Variants in ANKS1A observed in about 807,000 individuals in gnomAD.
ANKS1A encodes ankyrin repeat and SAM domain-containing protein 1A.
Under a neutral mutation model 120.3 loss-of-function variants are expected in ANKS1A, and 55 were observed. The ratio of observed to expected loss-of-function variants is 0.46; its 90% CI spans 0.37 to 0.57. The LOEUF is 0.57. Among genes scored for constraint, ANKS1A ranks in the 20% least tolerant of loss-of-function variants. The pLI is 0.00. For missense variants in ANKS1A, 1,123 were observed against 1,480.3 expected, an observed-to-expected ratio of 0.76 and a Z score of 3.96; for synonymous variants, 590 against 604.7, an observed-to-expected ratio of 0.98 and a Z score of 0.36.
chr6:35,036,596 A>G (rs995455386), intron 11 of ANKS1A, among the ~76,000 whole-genome samples: 4 of 152,186 alleles, frequency 2.6e-5, no homozygotes, highest in African/African-American at 9.7e-5. Flanking sequence ...AGTTATGTTA[A>G]CTTTTTTTTG....
chr6:34,988,387 GA>G, intron 8 of ANKS1A, among the ~76,000 whole-genome samples: 1 of 152,296 alleles, frequency 6.6e-6, no homozygotes, highest in East Asian at 1.9e-4. Flanking sequence ...ACAAGGTCAG[GA>G]GATCCAGACC....
At chr6:34,981,129 G>T (rs1771883107) in intron 3 of ANKS1A, among the ~76,000 whole-genome samples, 1 of 152,096 alleles carries the variant, frequency 6.6e-6, no homozygotes, top group South Asian at 2.1e-4. Context: ...CCTGGAAATG[G>T]CTTTTGGCTG....
chr6:34,960,584 A>G (rs1055597579), intron 1 of ANKS1A, among the ~76,000 whole-genome samples: 1 of 152,138 alleles, frequency 6.6e-6, no homozygotes, highest in Non-Finnish European at 1.5e-5. Context: ...ACATGCAATC[A>G]GTTTTTAAAG....
intron 11 of ANKS1A, among the ~76,000 whole-genome samples, chr6:35,051,791 G>T (rs908175152): frequency 6.6e-6 from 1 of 152,208 alleles, no homozygotes; most frequent in African/African-American, 2.4e-5. Flanking sequence ...TTTGAATCAT[G>T]TGAATGTATC....
At chr6:35,046,822 T>C (rs1775743440) in intron 11 of ANKS1A, among the ~76,000 whole-genome samples, 1 of 152,190 alleles carries the variant, frequency 6.6e-6, no homozygotes, top group Non-Finnish European at 1.5e-5. Flanking sequence ...CCATGAGTTT[T>C]GATAAATACG....
chr6:34,954,655 A>AG lies in ANKS1A; in HGVS notation c.198-12584_198-12583insG, dbSNP rs1770256526. 2.0e-5 allele frequency among the ~76,000 whole-genome samples: 3 copies of AG among 152,210 alleles called. No individual in the cohort carries two copies. In the South Asian group the frequency reaches 6.2e-4, roughly 32 times the overall value. On this transcript the variant is annotated intron_variant, in intron 1 of 23. Transcript: ENST00000360359. ...TTTTTCCAAGTCACTGCTTTGCAGA[A>AG]CATGCTTAAACACAAAACCACAAGG...
At chr6:35,038,120 C>T in intron 11 of ANKS1A, 2 of 448,950 alleles carry the variant, frequency 4.5e-6, no homozygotes, top group East Asian at 1.4e-4. Context: ...AAATTTCTTG[C>T]CAGCCTGTGC....
chr6:34,923,457 A>G (rs1320781226), intron 1 of ANKS1A, among the ~76,000 whole-genome samples: 1 of 152,208 alleles, frequency 6.6e-6, no homozygotes, highest in Non-Finnish European at 1.5e-5. Flanking sequence ...GATTTCTGGA[A>G]TAATGTTAGT....
chr6:34,906,707 AG>A (rs1456025181), intron 1 of ANKS1A, among the ~76,000 whole-genome samples: 4 of 152,242 alleles, frequency 2.6e-5, no homozygotes, highest in Admixed American at 6.5e-5. Context: ...TGAAAGCTGA[AG>A]GAGAAACAAT....
intron 1 of ANKS1A, among the ~76,000 whole-genome samples, chr6:34,942,714 G>A (rs1207093895): frequency 6.6e-6 from 1 of 151,070 alleles, no homozygotes; most frequent in South Asian, 2.1e-4. Flanking sequence ...GTTTGGGATT[G>A]TGCATTGTAC....
chr6:34,902,964 C>T (rs1019433271), intron 1 of ANKS1A, among the ~76,000 whole-genome samples: 2 of 151,984 alleles, frequency 1.3e-5, no homozygotes, highest in Admixed American at 1.3e-4. Flanking sequence ...AATAGCAATC[C>T]AGGTACCCTA....
chr6:35,079,516 G>C lies in ANKS1A; in HGVS notation c.2284G>C (p.Val762Leu). The C allele has an allele frequency of 6.2e-7, 1 of 1,613,704 alleles. No individual in the cohort carries two copies. The highest frequency in any genetic ancestry group is 1.1e-5 in the South Asian group (1 of 91,076). Reference sequence around the variant, plus strand: ...TTTCACCTCCCTCCTTGCCCTGTAGGTGAAGGCTCTGGGTTATGACGGGAA... The same window carrying C: ...TTTCACCTCCCTCCTTGCCCTGTAGCTGAAGGCTCTGGGTTATGACGGGAA... ...LLQAARSLPK[V>L]KALGYDGNSP... Residue 762 changes from valine to leucine, a missense_variant and splice_region_variant, in exon 15 of 24, where the codon GTG becomes CTG. Physicochemically the swap from Val to Leu is conservative, Grantham distance 32. Around this residue, in one of 3 missense-constraint regions of ANKS1A, gnomAD observed 904 missense variants for 1,130.4 expected, o/e 0.80. Coordinates refer to ENST00000360359, the MANE Select transcript of ANKS1A (RefSeq NM_015245.3).
At chr6:35,073,839 G>C (rs1178923523) in intron 13 of ANKS1A, among the ~76,000 whole-genome samples, 2 of 152,174 alleles carry the variant, frequency 1.3e-5, no homozygotes, top group Non-Finnish European at 2.9e-5. Context: ...AGAGGGTGTG[G>C]TAACTTCCAG....
chr6:34,913,376 G>A (rs1219750347), intron 1 of ANKS1A, among the ~76,000 whole-genome samples: 1 of 152,182 alleles, frequency 6.6e-6, no homozygotes, highest in African/African-American at 2.4e-5. Context: ...GCCTAGGTTG[G>A]AGTACAGTGG....
chr6:34,991,136 A>G (rs1418647805), intron 9 of ANKS1A, among the ~76,000 whole-genome samples: 1 of 152,152 alleles, frequency 6.6e-6, no homozygotes, highest in Non-Finnish European at 1.5e-5. Context: ...ATCTGCCCCA[A>G]TATTTGTATT....
At chr6:34,936,544 C>T (rs1262947435) in intron 1 of ANKS1A, among the ~76,000 whole-genome samples, 1 of 152,200 alleles carries the variant, frequency 6.6e-6, no homozygotes, top group Non-Finnish European at 1.5e-5. Flanking sequence ...AGTTCATTTG[C>T]TTCCATTGCC....
At chr6:35,074,203 C>T (rs950985378) in intron 13 of ANKS1A, among the ~76,000 whole-genome samples, 2 of 152,250 alleles carry the variant, frequency 1.3e-5, no homozygotes, top group African/African-American at 4.8e-5. Context: ...TTTAGAACAT[C>T]ACTGCGGTGC....
intron 10 of ANKS1A, among the ~76,000 whole-genome samples, chr6:35,012,088 A>G (rs1333144596): frequency 6.6e-6 from 1 of 152,190 alleles, no homozygotes; most frequent in African/African-American, 2.4e-5. Flanking sequence ...TCTTAACATC[A>G]TAGAACTGGT....
Position 35,086,195 on chromosome 6 carries a change from C to T in ANKS1A, c.3303+259C>T. ...CAAGGGCAAGGCCGTCAAGGGGCTG[C>T]AGAGAGCGGCCTGCAGGCAGCCCCC... On this transcript the variant is annotated intron_variant, in intron 22 of 23. Coordinates refer to ENST00000360359, the MANE Select transcript of ANKS1A (RefSeq NM_015245.3). The surrounding 1 kb of genome is among the most constrained non-coding windows in gnomAD (Gnocchi z 5.1). 1 of 1,314,282 alleles carries T rather than the reference C, an allele frequency of 7.6e-7. No homozygotes were observed. The highest frequency in any genetic ancestry group is 1.0e-6 in the Non-Finnish European group (1 of 972,630). 81.4% of individuals were successfully genotyped at this position (1,314,282 alleles called of 1,614,324 possible).
Sources: gnomAD v4.1 joint callset for allele counts (sites outside exome capture counted in the v4.1 genomes callset) on GRCh38, gnomAD v4.1.1 for gene constraint, gnomAD v4.1.1 regional missense constraint, Gnocchi (gnomAD v3.1) non-coding constraint, MANE v1.5 for transcripts, NCBI Gene and HGNC (gene_info 2026-07-23, HGNC 2026-07-21) for gene names.